UPP2: variants seen among roughly 807,000 people sequenced by gnomAD.
UPP2 encodes the protein uridine phosphorylase 2, also known as UPase 2.
UPP2 carries 23 observed loss-of-function variants against 26.7 expected under a neutral mutation model. The observed-to-expected ratio is 0.86, with a 90% CI of 0.62 to 1.22. The LOEUF is 1.22. Ranked by LOEUF, UPP2 falls within the 50% of genes most tolerant of loss-of-function variation. The pLI, the probability that UPP2 is intolerant of heterozygous loss-of-function variation, is 0.00. For synonymous variants in UPP2, 127 were observed against 141.3 expected (o/e 0.90, Z 0.72); for missense variants, 387 against 396.7 (o/e 0.98, Z 0.21).
chr2:158,129,266 G>T (rs1421624716), intron 6 of UPP2, among the ~76,000 whole-genome samples: 1 of 152,008 alleles, frequency 6.6e-6, no homozygotes, highest in Non-Finnish European at 1.5e-5. Context: ...CCCACCTCCA[G>T]TAAGTACACA....
At chr2:158,016,156 T>TA (rs1380673677) in intron 3 of UPP2, among the ~76,000 whole-genome samples, 4 of 151,802 alleles carry the variant, frequency 2.6e-5, no homozygotes, top group East Asian at 1.9e-4. Context: ...ATTTTTTTTT[T>TA]AAATTACTTT....
chr2:158,035,833 A>G (rs561675972), intron 3 of UPP2, among the ~76,000 whole-genome samples: 1 of 152,364 alleles, frequency 6.6e-6, no homozygotes, highest in South Asian at 2.1e-4. Context: ...GTTCAAATAC[A>G]CAAGGGTTGA....
At chr2:158,101,305 A>G (rs1027165419), upstream of UPP2, among the ~76,000 whole-genome samples, 1 of 152,212 alleles carries the variant, frequency 6.6e-6, no homozygotes, top group Admixed American at 6.5e-5. Context: ...TGAAAATACT[A>G]TGCTGTATTA....
In UPP2 at chr2:158,015,385, G is replaced by T. The variant is rs116561482; in HGVS notation, c.62-416G>T. On this transcript the variant is annotated intron_variant, in intron 2 of 9. Coordinates refer to the UPP2 transcript ENST00000605860. Reference sequence around the variant, plus strand: ...TTTCACCTAACATGATATCCTCAAGGTTCAACCATGTTACAGCATGTGACA... The same window carrying T: ...TTTCACCTAACATGATATCCTCAAGTTTCAACCATGTTACAGCATGTGACA... 1.7e-3 allele frequency among the ~76,000 whole-genome samples: 265 copies of T among 152,180 alleles called. 1 individual carries two copies. Among genetic ancestry groups the T allele is most frequent in the African/African-American group, 5.9e-3 (246 of 41,536 alleles).
At chr2:158,038,731 C>A (rs1041558325) in intron 3 of UPP2, among the ~76,000 whole-genome samples, 1 of 152,198 alleles carries the variant, frequency 6.6e-6, no homozygotes, top group African/African-American at 2.4e-5. Flanking sequence ...GCTTCCTGAC[C>A]TCCCAAAAGA....
intron 3 of UPP2, among the ~76,000 whole-genome samples, chr2:158,037,291 C>T (rs747155930): frequency 6.6e-6 from 1 of 152,020 alleles, no homozygotes; most frequent in Non-Finnish European, 1.5e-5. Context: ...AGGAGAATCG[C>T]GTGAACCTGG....
chr2:158,104,957 G>A (rs1574293066), intron 1 of UPP2, among the ~76,000 whole-genome samples: 1 of 72,524 alleles, frequency 1.4e-5, no homozygotes, highest in South Asian at 6.9e-4. Flanking sequence ...GAAGGGAAGG[G>A]AAGGGAAGGG....
chr2:158,035,287 G>T (rs973428761), intron 3 of UPP2, among the ~76,000 whole-genome samples: 1 of 151,864 alleles, frequency 6.6e-6, no homozygotes, highest in Non-Finnish European at 1.5e-5. Context: ...CTCCTGAGTA[G>T]CTGGGATTAC....
intron 3 of UPP2, among the ~76,000 whole-genome samples, chr2:158,062,970 C>A (rs1320304195): frequency 6.6e-6 from 1 of 152,194 alleles, no homozygotes; most frequent in African/African-American, 2.4e-5. Context: ...AGGAAGTACC[C>A]AATCTGCTCC....
chr2:158,104,502 G>GT (rs1470838584), intron 1 of UPP2, among the ~76,000 whole-genome samples: 2 of 151,860 alleles, frequency 1.3e-5, no homozygotes, highest in Admixed American at 6.6e-5. Flanking sequence ...GGTCACCAGT[G>GT]TTTTTTTGTT....
At chr2:158,071,288 C>T (rs1682535336) in intron 3 of UPP2, among the ~76,000 whole-genome samples, 1 of 152,054 alleles carries the variant, frequency 6.6e-6, no homozygotes, top group African/African-American at 2.4e-5. Context: ...AGCACGGTGG[C>T]TCATGCCTGT....
intron 3 of UPP2, among the ~76,000 whole-genome samples, chr2:158,077,188 C>T (rs1009568083): frequency 2.6e-5 from 4 of 151,972 alleles, no homozygotes; most frequent in Non-Finnish European, 4.4e-5. Context: ...AAAAATATTC[C>T]GTTTCATAGA....
At chr2:158,006,716 A>T (rs1683494853) in intron 2 of UPP2, among the ~76,000 whole-genome samples, 1 of 152,176 alleles carries the variant, frequency 6.6e-6, no homozygotes, top group Non-Finnish European at 1.5e-5. Flanking sequence ...AACCATCTCC[A>T]GTGGGCGTCT....
chr2:158,120,127 A>G (rs577543540), intron 4 of UPP2, among the ~76,000 whole-genome samples: 1 of 152,192 alleles, frequency 6.6e-6, no homozygotes, highest in South Asian at 2.1e-4. Context: ...TTTGTAATTA[A>G]GTCTACTTTG....
chr2:158,104,837 G>A (rs549937515), intron 1 of UPP2, among the ~76,000 whole-genome samples: 144 of 151,448 alleles, frequency 9.5e-4, no homozygotes, highest in Middle Eastern at 6.8e-3. Flanking sequence ...CAGGAGAATC[G>A]CTTGAACCAG....
chr2:157,998,822 AAAAT>A (rs1468326720), intron 2 of UPP2, among the ~76,000 whole-genome samples: 1 of 152,182 alleles, frequency 6.6e-6, no homozygotes, highest in Non-Finnish European at 1.5e-5. Context: ...AAATAAAATA[AAAAT>A]AAATAAAGTT....
At chr2:158,039,580 A>G (rs1337970122) in intron 3 of UPP2, among the ~76,000 whole-genome samples, 1 of 152,226 alleles carries the variant, frequency 6.6e-6, no homozygotes, top group East Asian at 1.9e-4. Context: ...GCCATTGCCG[A>G]GAGTCAAGCA....
intron 3 of UPP2, among the ~76,000 whole-genome samples, chr2:158,059,531 A>G (rs571511124): frequency 5.3e-5 from 8 of 152,344 alleles, no homozygotes; most frequent in African/African-American, 1.9e-4. Context: ...ATATCTTGGC[A>G]GCCAGGAATG....
intron 3 of UPP2, among the ~76,000 whole-genome samples, chr2:158,087,819 C>A (rs1207382867): frequency 1.3e-5 from 2 of 152,136 alleles, no homozygotes; most frequent in Admixed American, 1.3e-4. Context: ...GGTCTCCAGT[C>A]CCTTCTAGCT....
Sources: gnomAD v4.1 joint callset for allele counts (sites outside exome capture counted in the v4.1 genomes callset) on GRCh38, gnomAD v4.1.1 for gene constraint, MANE v1.5 for transcripts, NCBI Gene and HGNC (gene_info 2026-07-23, HGNC 2026-07-21) for gene names.